The following SH3GL3 variants were observed in gnomAD, a reference collection of about 807,000 sequenced individuals.
The protein encoded by SH3GL3 is endophilin-A3.
Under a neutral mutation model 47.7 loss-of-function variants are expected in SH3GL3, and 33 were observed. That is an observed-to-expected ratio of 0.69 (90% confidence interval 0.52 to 0.92). The LOEUF (loss-of-function observed/expected upper bound fraction) is 0.92. Ranked by LOEUF, SH3GL3 falls within the 40% of genes least tolerant of loss-of-function variation. The pLI is 0.00. For synonymous variants in SH3GL3, 155 were observed against 148.8 expected (o/e 1.04, Z -0.30); for missense variants, 363 against 417.8 (o/e 0.87, Z 1.14).
chr15:83,504,818 T>G (rs2042429321), intron 1 of SH3GL3, among the ~76,000 whole-genome samples: 1 of 152,222 alleles, frequency 6.6e-6, no homozygotes, highest in South Asian at 2.1e-4. Flanking sequence ...CCATGTGAGC[T>G]GTTTTAAGCT....
intron 1 of SH3GL3, among the ~76,000 whole-genome samples, chr15:83,541,653 A>G (rs1356552520): frequency 1.3e-5 from 2 of 152,000 alleles, no homozygotes; most frequent in Non-Finnish European, 2.9e-5. Flanking sequence ...GATAAAAGCC[A>G]TTTTAACTGG....
chr15:83,489,764 A>G (rs906191376), intron 1 of SH3GL3, among the ~76,000 whole-genome samples: 10 of 152,250 alleles, frequency 6.6e-5, no homozygotes, highest in Admixed American at 6.5e-4. Flanking sequence ...AGACCTATTT[A>G]GGGAATAGAG....
chr15:83,498,265 A>G (rs1030972839), intron 1 of SH3GL3, among the ~76,000 whole-genome samples: 5 of 152,240 alleles, frequency 3.3e-5, no homozygotes. Flanking sequence ...ATCTTTGGGC[A>G]TAGCACTCTG....
chr15:83,575,575 A>C (rs1483897625), intron 5 of SH3GL3, among the ~76,000 whole-genome samples: 3 of 152,194 alleles, frequency 2.0e-5, no homozygotes, highest in African/African-American at 7.2e-5. Context: ...GGGCCTGTTC[A>C]TTTGACATAC....
intron 6 of SH3GL3, among the ~76,000 whole-genome samples, chr15:83,581,555 T>G (rs1428495941): frequency 6.6e-6 from 1 of 152,126 alleles, no homozygotes; most frequent in African/African-American, 2.4e-5. Flanking sequence ...CAAACCCACT[T>G]TCTTGAGAAA....
chr15:83,629,949 C>A, the SH3GL3 span, among the ~76,000 whole-genome samples: 1 of 152,206 alleles, frequency 6.6e-6, no homozygotes, highest in African/African-American at 2.4e-5. Context: ...TAAACTGTAG[C>A]TCCCATAATT....
the SH3GL3 span, among the ~76,000 whole-genome samples, chr15:83,631,397 C>A: frequency 6.6e-6 from 1 of 152,224 alleles, no homozygotes; most frequent in African/African-American, 2.4e-5. Flanking sequence ...GTGGGGGCTC[C>A]AGCTCCATGT....
chr15:83,490,056 G>A (rs747103611), intron 1 of SH3GL3, among the ~76,000 whole-genome samples: 4 of 152,148 alleles, frequency 2.6e-5, no homozygotes, highest in Non-Finnish European at 5.9e-5. Flanking sequence ...CACATCGTTG[G>A]TGACAGAGTT....
chr15:83,486,231 C>CT (rs142241762), intron 1 of SH3GL3, among the ~76,000 whole-genome samples: 13,105 of 152,038 alleles, frequency 0.086, 785 homozygotes, highest in East Asian at 0.26. Context: ...TCTTATACTG[C>CT]TTTTTTTTAA....
At chr15:83,484,153 A>G (rs1460064897) in intron 1 of SH3GL3, among the ~76,000 whole-genome samples, 2 of 152,240 alleles carry the variant, frequency 1.3e-5, no homozygotes, top group African/African-American at 4.8e-5. Context: ...TCTTATACTC[A>G]GAATGATACA....
At chr15:83,481,765 G>T (rs372876781) in intron 1 of SH3GL3, among the ~76,000 whole-genome samples, 2 of 152,238 alleles carry the variant, frequency 1.3e-5, no homozygotes, top group East Asian at 3.9e-4. Flanking sequence ...TGTAATTTGG[G>T]TTGCATTGAA....
At chr15:83,511,129 C>T (rs1488139984) in intron 1 of SH3GL3, among the ~76,000 whole-genome samples, 1 of 148,002 alleles carries the variant, frequency 6.8e-6, no homozygotes, top group African/African-American at 2.4e-5. Flanking sequence ...TACCCTAGAA[C>T]TTAAAGTATA....
chr15:83,510,750 G>T (rs2042712515), intron 1 of SH3GL3, among the ~76,000 whole-genome samples: 1 of 152,062 alleles, frequency 6.6e-6, no homozygotes. Flanking sequence ...CAGCTATGTG[G>T]ATCCTCAGAT....
At chr15:83,595,285 A>C (rs920872928) in intron 8 of SH3GL3, among the ~76,000 whole-genome samples, 1 of 152,174 alleles carries the variant, frequency 6.6e-6, no homozygotes, top group Non-Finnish European at 1.5e-5. Context: ...CTCACTTGTA[A>C]GTGGGAGCTA....
intron 8 of SH3GL3, among the ~76,000 whole-genome samples, chr15:83,597,765 G>A (rs1038857131): frequency 6.6e-6 from 1 of 151,710 alleles, no homozygotes; most frequent in Non-Finnish European, 1.5e-5. Flanking sequence ...GCCTGCCACC[G>A]TACCTGGCTA....
At chr15:83,463,460 T>TG (rs1851216407) in intron 1 of SH3GL3, among the ~76,000 whole-genome samples, 1 of 152,208 alleles carries the variant, frequency 6.6e-6, no homozygotes, top group Non-Finnish European at 1.5e-5. Flanking sequence ...ACTATAGCTG[T>TG]GCTATGGTGA....
At chr15:83,458,396 G>T (rs1383055028) in intron 1 of SH3GL3, among the ~76,000 whole-genome samples, 1 of 152,168 alleles carries the variant, frequency 6.6e-6, no homozygotes, top group African/African-American at 2.4e-5. Flanking sequence ...GCCAGGTGTT[G>T]TTCCTTCTGA....
chr15:83,536,782 T>C (rs190717148), intron 1 of SH3GL3, among the ~76,000 whole-genome samples: 30 of 152,328 alleles, frequency 2.0e-4, no homozygotes, highest in African/African-American at 7.2e-4. Flanking sequence ...TTTTTCATGG[T>C]AGCCTTTTCT....
intron 1 of SH3GL3, among the ~76,000 whole-genome samples, chr15:83,474,007 T>G (rs1218069255): frequency 6.6e-6 from 1 of 152,118 alleles, no homozygotes; most frequent in Non-Finnish European, 1.5e-5. Context: ...CCTTCTTCTC[T>G]CCACCTTTCA....
Sources: gnomAD v4.1 joint callset for allele counts (sites outside exome capture counted in the v4.1 genomes callset) on GRCh38, gnomAD v4.1.1 for gene constraint, MANE v1.5 for transcripts, NCBI Gene and HGNC (gene_info 2026-07-23, HGNC 2026-07-21) for gene names.